The following LINGO2 variants were observed in gnomAD, a reference collection of about 807,000 sequenced individuals.
LINGO2 encodes leucine-rich repeat and immunoglobulin-like domain-containing nogo receptor-interacting protein 2.
In LINGO2, 14 loss-of-function variants were observed where a neutral mutation model predicts 30.6. That is an observed-to-expected ratio of 0.46 (90% CI 0.30 to 0.72). LINGO2 has a LOEUF of 0.72. LINGO2 is among the 30% of genes least tolerant of loss of function. The pLI is 0.07. For synonymous variants in LINGO2, 317 were observed against 288.5 expected (o/e 1.10, Z -1.00); for missense variants, 729 against 751.7 (o/e 0.97, Z 0.35).
At chr9:28,053,700 A>C (rs1010899379) in intron 4 of LINGO2, among the ~76,000 whole-genome samples, 3 of 152,086 alleles carry the variant, frequency 2.0e-5, no homozygotes, top group Non-Finnish European at 4.4e-5. Flanking sequence ...TCATCATGAA[A>C]TCTTGATATA....
At chr9:28,380,266 ATAAGAAACAGT>A (rs1821297128) in intron 2 of LINGO2, among the ~76,000 whole-genome samples, 2 of 152,048 alleles carry the variant, frequency 1.3e-5, no homozygotes, top group Non-Finnish European at 2.9e-5. Flanking sequence ...CAACATACAG[ATAAGAAACAGT>A]CTGTTTCTTA....
intron 5 of LINGO2, among the ~76,000 whole-genome samples, chr9:27,956,519 T>C (rs956585949): frequency 6.6e-6 from 1 of 152,188 alleles, no homozygotes; most frequent in Non-Finnish European, 1.5e-5. Flanking sequence ...GTTTTCTTCA[T>C]ATTTCTTAAA....
the LINGO2 span, among the ~76,000 whole-genome samples, chr9:28,922,951 GA>G: frequency 6.6e-6 from 1 of 152,148 alleles, no homozygotes; most frequent in Admixed American, 6.6e-5. Flanking sequence ...AAGGGAGGTG[GA>G]AGGAGATTTA....
At chr9:29,193,784 G>A in the LINGO2 span, among the ~76,000 whole-genome samples, 5 of 152,156 alleles carry the variant, frequency 3.3e-5, no homozygotes, top group African/African-American at 7.2e-5. Context: ...GCTTCTGTGA[G>A]ACTCTGAAGT....
intron 2 of LINGO2, among the ~76,000 whole-genome samples, chr9:28,449,681 A>G (rs894689869): frequency 6.6e-6 from 1 of 152,020 alleles, no homozygotes; most frequent in Non-Finnish European, 1.5e-5. Context: ...GATCAGCTAG[A>G]ATGTTTATAA....
chr9:27,997,259 A>G (rs773419971), intron 5 of LINGO2, among the ~76,000 whole-genome samples: 5 of 152,218 alleles, frequency 3.3e-5, no homozygotes, highest in Admixed American at 6.5e-5. Flanking sequence ...GATGTGAAAG[A>G]CTTAAGATGT....
the LINGO2 span, among the ~76,000 whole-genome samples, chr9:28,789,116 T>C: frequency 2.6e-5 from 4 of 152,180 alleles, no homozygotes; most frequent in African/African-American, 9.7e-5. Flanking sequence ...AGAATATATA[T>C]ACACTGCTTT....
intron 4 of LINGO2, among the ~76,000 whole-genome samples, chr9:28,013,467 A>C (rs984052011): frequency 6.6e-5 from 10 of 152,206 alleles, no homozygotes; most frequent in Non-Finnish European, 1.5e-4. Context: ...TAGCATAGTT[A>C]TTCAGGAATC....
intron 1 of LINGO2, among the ~76,000 whole-genome samples, chr9:28,496,859 G>A (rs1170669668): frequency 2.0e-5 from 3 of 152,142 alleles, no homozygotes; most frequent in Admixed American, 6.5e-5. Context: ...GCCTGGTGGT[G>A]ACAAAATCTC....
At chr9:28,083,166 C>T (rs944049805) in intron 4 of LINGO2, among the ~76,000 whole-genome samples, 1 of 152,156 alleles carries the variant, frequency 6.6e-6, no homozygotes, top group African/African-American at 2.4e-5. Context: ...AACAAGATTC[C>T]CAGATAGGAC....
chr9:28,519,625 T>C (rs1820756197), intron 1 of LINGO2, among the ~76,000 whole-genome samples: 1 of 152,166 alleles, frequency 6.6e-6, no homozygotes, highest in African/African-American at 2.4e-5. Context: ...TAAATGAAGT[T>C]GTAGAGTCAT....
intron 3 of LINGO2, among the ~76,000 whole-genome samples, chr9:28,302,369 G>C (rs989679245): frequency 1.3e-5 from 2 of 152,174 alleles, no homozygotes; most frequent in African/African-American, 4.8e-5. Flanking sequence ...GATGTAGTTA[G>C]CATATTTGAG....
At chr9:28,376,169 A>G (rs1333908037) in intron 2 of LINGO2, among the ~76,000 whole-genome samples, 1 of 151,872 alleles carries the variant, frequency 6.6e-6, no homozygotes, top group Non-Finnish European at 1.5e-5. Flanking sequence ...TCCCTTAGTA[A>G]TAGTCTGTGT....
At chr9:28,853,784 C>T in the LINGO2 span, among the ~76,000 whole-genome samples, 71 of 151,886 alleles carry the variant, frequency 4.7e-4, no homozygotes, top group East Asian at 0.012. Context: ...ATATAGGAAA[C>T]CGCCCCTATG....
chr9:28,233,055 T>TAC (rs1269630419), intron 4 of LINGO2, among the ~76,000 whole-genome samples: 1 of 123,130 alleles, frequency 8.1e-6, no homozygotes, highest in African/African-American at 3.4e-5. Context: ...TATATATATA[T>TAC]ATATATTAGA....
the LINGO2 span, among the ~76,000 whole-genome samples, chr9:29,188,211 G>C: frequency 6.6e-6 from 1 of 151,558 alleles, no homozygotes; most frequent in African/African-American, 2.4e-5. Context: ...GTAGGGAGTG[G>C]TGATGACTCT....
the LINGO2 span, among the ~76,000 whole-genome samples, chr9:28,844,428 A>T: frequency 6.6e-6 from 1 of 151,938 alleles, no homozygotes; most frequent in Non-Finnish European, 1.5e-5. Context: ...CAATATGAGC[A>T]CAGTGGTTCT....
chr9:28,068,443 C>G (rs1178030829), intron 4 of LINGO2, among the ~76,000 whole-genome samples: 1 of 152,134 alleles, frequency 6.6e-6, no homozygotes, highest in Non-Finnish European at 1.5e-5. Context: ...AGGACTCCAT[C>G]TAACCCTAAT....
the LINGO2 span, among the ~76,000 whole-genome samples, chr9:29,203,960 C>T: frequency 4.0e-3 from 608 of 152,254 alleles, 7 homozygotes; most frequent in African/African-American, 0.014. Flanking sequence ...AAAAATTACA[C>T]ATTAAGAAAC....
Sources: gnomAD v4.1 joint callset for allele counts (sites outside exome capture counted in the v4.1 genomes callset) on GRCh38, gnomAD v4.1.1 for gene constraint, MANE v1.5 for transcripts, NCBI Gene and HGNC (gene_info 2026-07-23, HGNC 2026-07-21) for gene names.